PRMT8: variants seen among roughly 807,000 people sequenced by gnomAD.
PRMT8 encodes the protein protein arginine N-methyltransferase 8.
PRMT8 carries 7 observed loss-of-function variants against 47.1 expected under a neutral mutation model. The observed-to-expected ratio is 0.15, with a 90% CI of 0.08 to 0.28. The LOEUF (loss-of-function observed/expected upper bound fraction) is 0.28. Among genes scored for constraint, PRMT8 ranks in the 10% least tolerant of loss-of-function variants. The pLI is 1.00. For synonymous variants in PRMT8, 188 were observed against 186.5 expected (o/e 1.01, Z -0.07); for missense variants, 237 against 505.4 (o/e 0.47, Z 5.09).
chr12:3,551,149 G>C (rs977925387), intron 3 of PRMT8: 3 of 145,272 alleles, frequency 2.1e-5, no homozygotes, highest in African/African-American at 7.6e-5. Context: ...TGCCTCCAGA[G>C]GTCTGCTCCT....
chr12:3,558,996 A>G (rs375999108), intron 4 of PRMT8, among the ~76,000 whole-genome samples: 2 of 148,414 alleles, frequency 1.3e-5, no homozygotes, highest in Admixed American at 6.7e-5. Context: ...CTATCTGTCT[A>G]TCTATCCTGT....
chr12:3,423,669 G>T (rs532122606), intron 1 of PRMT8, among the ~76,000 whole-genome samples: 5 of 152,328 alleles, frequency 3.3e-5, no homozygotes, highest in Admixed American at 6.5e-5. Flanking sequence ...CACATATCCA[G>T]TATAATCCAG....
chr12:3,495,445 T>C (rs1206759447), intron 1 of PRMT8, among the ~76,000 whole-genome samples: 1 of 152,164 alleles, frequency 6.6e-6, no homozygotes, highest in Non-Finnish European at 1.5e-5. Flanking sequence ...TGCCGGTCTT[T>C]CCTCCTTCTT....
chr12:3,575,939 A>T (rs559438741), intron 6 of PRMT8, among the ~76,000 whole-genome samples: 1 of 152,304 alleles, frequency 6.6e-6, no homozygotes, highest in Admixed American at 6.5e-5. Context: ...AAACCACTTG[A>T]GCCCAGGAGG....
intron 1 of PRMT8, among the ~76,000 whole-genome samples, chr12:3,462,363 A>C (rs1865051378): frequency 6.6e-6 from 1 of 152,052 alleles, no homozygotes; most frequent in African/African-American, 2.4e-5. Context: ...TTTTAAAGGC[A>C]AAAGAAGGGG....
rs1247868066 is a variant in PRMT8, at chr12:3,456,218, T to A, written c.48+74776T>A. ...GCGCTGGCACACCAAGCGCCACCTT[T>A]GAGCGGGAAATGGCAGCCTCCCCTT... On this transcript the variant is annotated intron_variant, in intron 1 of 9. Coordinates refer to the PRMT8 transcript ENST00000452611. This position sits in a 1 kb window ranked among gnomAD's most constrained non-coding sequence, Gnocchi z 4.2. 6.6e-6 allele frequency among the ~76,000 whole-genome samples: 1 copy of A among 152,198 alleles called. No individual in the cohort carries two copies. Among genetic ancestry groups the A allele is most frequent in the Non-Finnish European group, 1.5e-5 (1 of 68,034 alleles).
chr12:3,422,537 G>A (rs538885859), intron 1 of PRMT8, among the ~76,000 whole-genome samples: 79 of 152,304 alleles, frequency 5.2e-4, no homozygotes, highest in African/African-American at 1.5e-3. Context: ...AAGGGGGTCC[G>A]CGTGAAAGGG....
intron 1 of PRMT8, among the ~76,000 whole-genome samples, chr12:3,388,125 C>T (rs1229594365): frequency 4.2e-5 from 6 of 143,638 alleles, no homozygotes; most frequent in Non-Finnish European, 7.6e-5. Flanking sequence ...GAGGATCACA[C>T]ATTGCATTTA....
chr12:3,413,365 G>A (rs1419687550), intron 1 of PRMT8, among the ~76,000 whole-genome samples: 1 of 152,192 alleles, frequency 6.6e-6, no homozygotes, highest in Non-Finnish European at 1.5e-5. Context: ...GGAACTGTGA[G>A]TCAATTAAAC....
intron 1 of PRMT8, among the ~76,000 whole-genome samples, chr12:3,509,473 C>T (rs1476744069): frequency 6.6e-6 from 1 of 152,186 alleles, no homozygotes; most frequent in Non-Finnish European, 1.5e-5. Flanking sequence ...TCCCTATTTC[C>T]TCATCTAGAA....
intron 1 of PRMT8, among the ~76,000 whole-genome samples, chr12:3,528,876 C>A (rs1235395123): frequency 6.6e-6 from 1 of 152,108 alleles, no homozygotes; most frequent in Non-Finnish European, 1.5e-5. Context: ...AGCTAATTTT[C>A]CACTATTCAG....
rs1169631913 is a variant in PRMT8 at position 3,538,832 on chromosome 12, C to T, written c.76-1774C>T. 2 of 482,740 alleles carry T rather than the reference C, an allele frequency of 4.1e-6. No homozygotes were observed. The highest frequency in any genetic ancestry group is 4.2e-6 in the Non-Finnish European group (1 of 238,856). 29.9% of individuals were successfully genotyped at this position (482,740 alleles called of 1,614,324 possible). A position where few individuals can be genotyped will look rare whatever the true frequency, so the allele number is the denominator to read the frequency against. ...GCTGCATTCTAATGAGGCAGCCCCA[C>T]TCGCCTTTGCCAGCCCGCCCGGGAT... On this transcript the variant is annotated intron_variant, in intron 1 of 9. Transcript: ENST00000382622. This position sits in a 1 kb window ranked among gnomAD's most constrained non-coding sequence, Gnocchi z 4.6.
At chr12:3,473,842 C>G (rs981495105) in intron 1 of PRMT8, among the ~76,000 whole-genome samples, 1 of 152,240 alleles carries the variant, frequency 6.6e-6, no homozygotes, top group Admixed American at 6.5e-5. Context: ...GCTTCTCCCT[C>G]TCATCCTGGG....
chr12:3,539,708 G>C (rs756476359), intron 1 of PRMT8, among the ~76,000 whole-genome samples: 2 of 152,168 alleles, frequency 1.3e-5, no homozygotes, highest in Non-Finnish European at 2.9e-5. Context: ...CCTAGCCTGT[G>C]GAGGACCAGG....
At position 3,479,572 on chromosome 12, in the gene PRMT8, G is replaced by GA. The variant is rs551064867; in HGVS notation, c.49-61025dup. ...GATAGCCATCGTCTCAATTTTTTAA[G>GA]AAAAAAAAATACTCCCCTAAAGAAG... On this transcript the variant is annotated intron_variant, in intron 1 of 9. Coordinates refer to the PRMT8 transcript ENST00000452611. Among the ~76,000 whole-genome samples, 221 of 150,908 alleles carry GA rather than the reference G, an allele frequency of 1.5e-3. 2 individuals carry two copies. The highest frequency in any genetic ancestry group is 4.4e-3 in the African/African-American group (181 of 41,206).
rs1865436713 is a variant in PRMT8, at chr12:3,492,508, T to C, written c.75+808T>C. On this transcript the variant is annotated intron_variant, in intron 1 of 9. Transcript: ENST00000382622. The surrounding 1 kb of genome is among the most constrained non-coding windows in gnomAD (Gnocchi z 7.5). ...GCAAGGGCTTTTGAGGAGGTCGCTC[T>C]AGCTCCGCAAATTGTGTTCTCGGCC... Among the ~76,000 whole-genome samples the C allele has an allele frequency of 6.6e-6, 1 of 152,196 alleles. No homozygotes were observed. The highest frequency in any genetic ancestry group is 2.4e-5 in the African/African-American group (1 of 41,456).
intron 1 of PRMT8, among the ~76,000 whole-genome samples, chr12:3,461,780 G>A (rs768117711): frequency 6.6e-6 from 1 of 151,602 alleles, no homozygotes; most frequent in Non-Finnish European, 1.5e-5. Context: ...AATTTAAAGA[G>A]TTTACTTGAA....
At chr12:3,487,190 G>A (rs1466117365), upstream of PRMT8, among the ~76,000 whole-genome samples, 1 of 152,198 alleles carries the variant, frequency 6.6e-6, no homozygotes, top group Admixed American at 6.5e-5. Context: ...GATTCTCGAG[G>A]AGTCGTGGAT....
At chr12:3,518,023 CAT>C (rs1865822990) in intron 1 of PRMT8, among the ~76,000 whole-genome samples, 4 of 98,776 alleles carry the variant, frequency 4.0e-5, no homozygotes, top group Admixed American at 2.5e-4. Flanking sequence ...AACTAACCCA[CAT>C]GTTTCCCCTT....
Sources: allele counts gnomAD v4.1 joint callset (sites outside exome capture counted in the v4.1 genomes callset), GRCh38; gene constraint gnomAD v4.1.1; non-coding constraint Gnocchi (gnomAD v3.1); transcripts MANE v1.5; gene names NCBI Gene and HGNC (gene_info 2026-07-23, HGNC 2026-07-21).